The following CCDC30 variants were observed in gnomAD, a reference collection of about 807,000 sequenced individuals.
The protein encoded by CCDC30 is coiled-coil domain-containing protein 30.
CCDC30 carries 70 observed loss-of-function variants against 100.2 expected under a neutral mutation model. The observed-to-expected ratio is 0.70, with a 90% CI of 0.58 to 0.85. CCDC30 has a LOEUF of 0.85. Among genes scored for constraint, CCDC30 ranks in the 40% least tolerant of loss-of-function variants. CCDC30 has a pLI of 0.00. For synonymous variants in CCDC30, 233 were observed against 269.5 expected, an observed-to-expected ratio of 0.86 and a Z score of 1.33; for missense variants, 652 against 771.2, an observed-to-expected ratio of 0.85 and a Z score of 1.83.
At chr1:42,519,477 A>G (rs2148501098) in intron 6 of CCDC30, among the ~76,000 whole-genome samples, 1 of 151,546 alleles carries the variant, frequency 6.6e-6, no homozygotes, top group African/African-American at 2.4e-5. Flanking sequence ...GTCTATTCAG[A>G]TTTTCTGTTT....
At chr1:42,655,458 A>C (rs1346995774), downstream of CCDC30, among the ~76,000 whole-genome samples, 1 of 152,106 alleles carries the variant, frequency 6.6e-6, no homozygotes, top group Non-Finnish European at 1.5e-5. Flanking sequence ...GAGGCAGGAG[A>C]ATCACTTGAA....
At chr1:42,637,733 A>T (rs1166380637) in intron 12 of CCDC30, among the ~76,000 whole-genome samples, 1 of 152,184 alleles carries the variant, frequency 6.6e-6, no homozygotes, top group Non-Finnish European at 1.5e-5. Context: ...CTCAGACTTC[A>T]GTGTCAGTTT....
chr1:42,652,551 AAT>A (rs1486737977), intron 15 of CCDC30, among the ~76,000 whole-genome samples: 1 of 152,198 alleles, frequency 6.6e-6, no homozygotes, highest in Non-Finnish European at 1.5e-5. Context: ...GAGAAATAAA[AAT>A]ATATGTCCTA....
chr1:42,622,933 G>T (rs554675477), intron 11 of CCDC30, among the ~76,000 whole-genome samples: 14 of 152,260 alleles, frequency 9.2e-5, no homozygotes, highest in African/African-American at 3.4e-4. Context: ...TTTAACTGGG[G>T]TGCGATGACC....
At chr1:42,571,623 T>C (rs1557864088) in intron 7 of CCDC30, among the ~76,000 whole-genome samples, 1 of 152,228 alleles carries the variant, frequency 6.6e-6, no homozygotes, top group Admixed American at 6.5e-5. Flanking sequence ...GAGATAAGCG[T>C]ATTACATTTT....
At chr1:42,510,652 G>A (rs773082810) in intron 6 of CCDC30, among the ~76,000 whole-genome samples, 17 of 129,590 alleles carry the variant, frequency 1.3e-4, no homozygotes, top group East Asian at 8.2e-4. Flanking sequence ...GCAAGACTCC[G>A]TTTCAAAAAA....
intron 4 of CCDC30, among the ~76,000 whole-genome samples, 175 bp from the exon 5 acceptor site, chr1:42,496,923 A>C (rs1038038778): frequency 1.3e-5 from 2 of 152,204 alleles, no homozygotes; most frequent in Non-Finnish European, 2.9e-5. Flanking sequence ...ATATTCTAGG[A>C]CTAGACTTGA....
intron 6 of CCDC30, chr1:42,556,285 A>T: frequency 6.2e-7 from 1 of 1,614,096 alleles, no homozygotes; most frequent in Non-Finnish European, 8.5e-7. Context: ...AAGAAAAAGA[A>T]CAGCAGTTAA....
At chr1:42,593,591 A>G (rs565560081) in intron 10 of CCDC30, 5 of 152,060 alleles carry the variant, frequency 3.3e-5, no homozygotes, top group African/African-American at 1.2e-4. Flanking sequence ...GAAAGTTCCA[A>G]CCCTCTAATC....
chr1:42,589,249 G>C, intron 9 of CCDC30, 72 bp from the exon 14 acceptor site: 1 of 1,243,602 alleles, frequency 8.0e-7, no homozygotes. Context: ...CCCTTGTGAT[G>C]CCATAAAAAT....
intron 11 of CCDC30, among the ~76,000 whole-genome samples, chr1:42,629,337 A>G (rs1250754004): frequency 6.6e-6 from 1 of 152,212 alleles, no homozygotes; most frequent in Non-Finnish European, 1.5e-5. Flanking sequence ...AGCACTTTAA[A>G]TATGTCATGC....
At chr1:42,505,156 A>G (rs919414508) in intron 6 of CCDC30, among the ~76,000 whole-genome samples, 1 of 152,220 alleles carries the variant, frequency 6.6e-6, no homozygotes, top group African/African-American at 2.4e-5. Context: ...TTAGTTGCCA[A>G]GATATAGAAT....
At chr1:42,498,027 T>C (rs1644254798) in intron 5 of CCDC30, among the ~76,000 whole-genome samples, 1 of 152,214 alleles carries the variant, frequency 6.6e-6, no homozygotes, top group South Asian at 2.1e-4. Context: ...GCAGCTCAGA[T>C]GCTCGTTGAT....
upstream of CCDC30, chr1:42,460,006 A>T: frequency 2.0e-6 from 3 of 1,484,762 alleles, no homozygotes; most frequent in Non-Finnish European, 2.7e-6. Flanking sequence ...CATGGCTTTC[A>T]TATGGACAGA....
At chr1:42,541,984 A>C in intron 6 of CCDC30, among the ~76,000 whole-genome samples, 1 of 152,248 alleles carries the variant, frequency 6.6e-6, no homozygotes, top group East Asian at 1.9e-4. Context: ...GACTGCTGCC[A>C]AGTTACATGG....
At chr1:42,458,375 A>T (rs115148849), upstream of CCDC30, among the ~76,000 whole-genome samples, 894 of 152,264 alleles carry the variant, frequency 5.9e-3, 8 homozygotes, top group African/African-American at 0.02. Flanking sequence ...AGGAGTTCTT[A>T]GTCATTTATT....
At chr1:42,606,122 C>T (rs1249507036) in intron 10 of CCDC30, among the ~76,000 whole-genome samples, 1 of 152,180 alleles carries the variant, frequency 6.6e-6, no homozygotes, top group Non-Finnish European at 1.5e-5. Context: ...CACACACAAA[C>T]ACTTACAGAC....
chr1:42,630,488 T>G lies in CCDC30; in HGVS notation c.1278-6749T>G, dbSNP rs1438069336. On this transcript the variant is annotated intron_variant, in intron 11 of 16. Transcript: ENST00000668663. The stretch of plus-strand genomic sequence containing the variant: ...ACCTCTGCCTCCCAGGTTCAAGCAA[T>G]TATCCTACCTCGACCTCCTGAGTAG... Among the ~76,000 whole-genome samples, 3 of 151,986 alleles carry G rather than the reference T, an allele frequency of 2.0e-5. No individual in the cohort carries two copies. In the East Asian group the frequency reaches 5.8e-4, roughly 29 times the overall value.
chr1:42,479,757 A>G lies in CCDC30; in HGVS notation c.-91-704A>G, dbSNP rs116444029. 5.2e-3 allele frequency among the ~76,000 whole-genome samples: 789 copies of G among 152,242 alleles called. 6 individuals are homozygous for G. The highest frequency in any genetic ancestry group is 0.018 in the African/African-American group (762 of 41,532). On this transcript the variant is annotated intron_variant, in intron 1 of 16. Coordinates refer to ENST00000668663, the Ensembl canonical transcript of CCDC30. ...AGAGGATAGATATGCTATGCTATGC[A>G]GGGCCACAAGGGGTTACTCTCAAGA...
Sources: allele counts gnomAD v4.1 joint callset (sites outside exome capture counted in the v4.1 genomes callset), GRCh38; gene constraint gnomAD v4.1.1; transcripts MANE v1.5; gene names NCBI Gene and HGNC (gene_info 2026-07-23, HGNC 2026-07-21).